Variants in GPR176 observed in about 807,000 individuals in gnomAD.
The protein encoded by GPR176 is G-protein coupled receptor 176.
A neutral mutation model predicts 35.4 loss-of-function variants in GPR176; 26 were observed. The observed-to-expected ratio is 0.74, with a 90% CI of 0.54 to 1.02. GPR176 has a LOEUF of 1.02. Ranked by LOEUF, GPR176 falls within the 50% of genes least tolerant of loss-of-function variation. The pLI, the probability that GPR176 is intolerant of heterozygous loss-of-function variation, is 0.00. For missense variants in GPR176, 597 were observed against 665.3 expected (o/e 0.90, Z 1.13); for synonymous variants, 278 against 271.3 (o/e 1.02, Z -0.24).
chr15:39,882,899 C>T (rs550667458), intron 1 of GPR176, among the ~76,000 whole-genome samples: 6 of 152,150 alleles, frequency 3.9e-5, no homozygotes, highest in Non-Finnish European at 8.8e-5. Flanking sequence ...CAGATAATGT[C>T]AGGAAGGAGC....
At chr15:39,826,987 C>T (rs868309419) in intron 1 of GPR176, among the ~76,000 whole-genome samples, 12 of 152,052 alleles carry the variant, frequency 7.9e-5, no homozygotes, top group South Asian at 4.1e-4. Flanking sequence ...TGAAGAATGA[C>T]GAGGTTCATA....
chr15:39,893,723 G>A (rs1357599497), intron 1 of GPR176, among the ~76,000 whole-genome samples: 62 of 149,076 alleles, frequency 4.2e-4, no homozygotes, highest in African/African-American at 1.3e-3. Context: ...GCGGCTGGCC[G>A]GGCGGGGGGC....
rs143281771 is a variant in GPR176 at position 39,800,633 on chromosome 15, C to T, written c.*499G>A. The T allele has an allele frequency of 1.2e-4, 19 of 158,488 alleles. No individual in the cohort carries two copies. The highest frequency in any genetic ancestry group is 3.5e-4 in the Admixed American group (6 of 16,980). The allele number at this position is 158,488 out of a possible 1,614,324, so 9.8% of individuals were successfully genotyped here. ...GGGCTTCCAGAGAAACAGTGTAAGA[C>T]ACCAAATCCCTACCTTCTCAACAGA... is the stretch of plus-strand genomic sequence containing the variant. On this transcript the variant is annotated 3_prime_UTR_variant, in exon 3 of 3. Coordinates refer to ENST00000561100, the MANE Select transcript of GPR176 (RefSeq NM_007223.3).
intron 1 of GPR176, among the ~76,000 whole-genome samples, chr15:39,877,376 TC>T (rs1034543447): frequency 2.0e-5 from 3 of 151,846 alleles, no homozygotes; most frequent in Admixed American, 2.0e-4. Flanking sequence ...CACCCCAAAT[TC>T]CCCCAAATCC....
At chr15:39,878,161 C>A (rs2032329763) in intron 1 of GPR176, among the ~76,000 whole-genome samples, 1 of 122,094 alleles carries the variant, frequency 8.2e-6, no homozygotes, top group Admixed American at 8.7e-5. Context: ...TCTCTCTTGG[C>A]AAATTTCAAG....
chr15:39,807,093 G>T lies in GPR176; in HGVS notation c.338C>A (p.Thr113Asn). ...TSPHCCWWIYTMLFCKVVKFL... is the reference protein window; with the variant it reads ...TSPHCCWWIYNMLFCKVVKFL... ...TTTGACGACCTTGCAGAAGAGCATG[G>T]TGTAGATCCACCAGCAACAGTGAGG... Residue 113 changes from threonine (T) to asparagine (N), a missense_variant, in exon 2 of 3, where the codon ACC (threonine) becomes AAC (asparagine). This residue lies in a region of GPR176 where 220 missense variants were observed against 297.6 expected (regional missense o/e 0.74). Transcript: ENST00000561100. The T allele has an allele frequency of 6.2e-7, 1 of 1,613,984 alleles. No homozygotes were observed. The highest frequency in any genetic ancestry group is 8.5e-7 in the Non-Finnish European group (1 of 1,179,904).
intron 1 of GPR176, among the ~76,000 whole-genome samples, chr15:39,870,300 C>T (rs1195415862): frequency 6.6e-6 from 1 of 151,992 alleles, no homozygotes; most frequent in Non-Finnish European, 1.5e-5. Context: ...ATCCCTTTTG[C>T]CATATAAGGT....
Position 39,800,464 on chromosome 15 carries a change from C to G in GPR176, c.*668G>C, listed in dbSNP as rs768635236. 2.0e-5 allele frequency: 3 copies of G among 151,086 alleles called. No homozygotes were observed. The highest frequency in any genetic ancestry group is 7.5e-5 in the African/African-American group (3 of 40,264). The allele number at this position is 151,086 out of a possible 1,614,324, so 9.4% of individuals were successfully genotyped here. On this transcript the variant is annotated 3_prime_UTR_variant, in exon 3 of 3. Transcript: ENST00000561100. ...GGCGTTGGTGATGCCAAGGGAAAAT[C>G]AGAATTATCAAGGACAAAATATCTC... is the stretch of plus-strand genomic sequence containing the variant.
chr15:39,919,958 A>G lies in GPR176; in HGVS notation c.69T>C (p.Ala23=). The G allele has an allele frequency of 6.7e-7, 1 of 1,492,008 alleles. No homozygotes were observed. The highest frequency in any genetic ancestry group is 1.5e-5 in the African/African-American group (1 of 68,962). 92.4% of individuals were successfully genotyped at this position (1,492,008 alleles called of 1,614,324 possible). Residue 23 remains alanine, a synonymous_variant, in exon 1 of 3, where the codon GCT becomes GCC. Coordinates refer to ENST00000561100, the MANE Select transcript of GPR176 (RefSeq NM_007223.3). ...SEPHNASGAE[A]AGVNRSALGE... ...CGAGCGCGCTGCGGTTCACACCCGCAGCCTCGGCGCCGGACGCGTTGTGCG... is the reference window on the plus strand; with the variant it reads ...CGAGCGCGCTGCGGTTCACACCCGCGGCCTCGGCGCCGGACGCGTTGTGCG...
intron 2 of GPR176, among the ~76,000 whole-genome samples, chr15:39,802,832 T>C (rs1454622487): frequency 6.6e-6 from 1 of 152,232 alleles, no homozygotes. Context: ...GACAAGGTCC[T>C]TCCACAAAAA....
At chr15:39,841,471 G>A (rs1470828635) in intron 1 of GPR176, among the ~76,000 whole-genome samples, 6 of 152,260 alleles carry the variant, frequency 3.9e-5, no homozygotes, top group African/African-American at 1.4e-4. Context: ...ATAAAAAAGG[G>A]GAGATTTGTC....
chr15:39,861,454 CAGG>C (rs1490519429), intron 1 of GPR176, among the ~76,000 whole-genome samples: 1 of 151,702 alleles, frequency 6.6e-6, no homozygotes, highest in Non-Finnish European at 1.5e-5. Flanking sequence ...GAGGCTGAAG[CAGG>C]AGAATCACTT....
chr15:39,827,293 G>C (rs1006145345), intron 1 of GPR176, among the ~76,000 whole-genome samples: 5 of 152,196 alleles, frequency 3.3e-5, no homozygotes, highest in African/African-American at 1.2e-4. Context: ...TCAGCCCTCT[G>C]CTGTCAAAAG....
At chr15:39,867,237 T>C (rs2031865473) in intron 1 of GPR176, among the ~76,000 whole-genome samples, 1 of 152,124 alleles carries the variant, frequency 6.6e-6, no homozygotes, top group African/African-American at 2.4e-5. Context: ...ATGGGCTACA[T>C]GTGTAGTGGG....
Position 39,891,007 on chromosome 15 carries a change from A to G in GPR176, c.172+28848T>C, listed in dbSNP as rs143715786. 1.5e-3 allele frequency among the ~76,000 whole-genome samples: 221 copies of G among 152,332 alleles called. 1 individual carries two copies. The highest frequency in any genetic ancestry group is 5.0e-3 in the African/African-American group (208 of 41,576). On this transcript the variant is annotated intron_variant, in intron 1 of 2. Coordinates refer to ENST00000561100, the MANE Select transcript of GPR176 (RefSeq NM_007223.3). The stretch of plus-strand genomic sequence containing the variant: ...TGGGCCTCTTTTTGAAGAGGTAGAG[A>G]AGAATAGATGAGCAAAACCTCTTAA...
At chr15:39,905,955 A>C (rs2033410079) in intron 1 of GPR176, among the ~76,000 whole-genome samples, 1 of 152,230 alleles carries the variant, frequency 6.6e-6, no homozygotes, top group Admixed American at 6.5e-5. Context: ...GTTTGTTGCA[A>C]GATGCTACCA....
intron 1 of GPR176, among the ~76,000 whole-genome samples, chr15:39,849,406 C>CAGAAG (rs1877700097): frequency 6.6e-6 from 1 of 152,038 alleles, no homozygotes; most frequent in Admixed American, 6.5e-5. Context: ...TTCCAAAAAA[C>CAGAAG]AGAAGAGAAA....
chr15:39,838,300 C>G (rs1901533757), intron 1 of GPR176, among the ~76,000 whole-genome samples: 2 of 152,128 alleles, frequency 1.3e-5, no homozygotes, highest in South Asian at 4.1e-4. Context: ...TTGCTTAAAT[C>G]AAATGTAGAT....
At chr15:39,915,862 AGAGT>A (rs2033714987) in intron 1 of GPR176, among the ~76,000 whole-genome samples, 1 of 152,254 alleles carries the variant, frequency 6.6e-6, no homozygotes, top group Admixed American at 6.5e-5. Context: ...CCTGAGCGAC[AGAGT>A]GAGACGCCAT....
Sources: gnomAD v4.1 joint callset for allele counts (sites outside exome capture counted in the v4.1 genomes callset) on GRCh38, gnomAD v4.1.1 for gene constraint, gnomAD v4.1.1 regional missense constraint, MANE v1.5 for transcripts, NCBI Gene and HGNC (gene_info 2026-07-23, HGNC 2026-07-21) for gene names.